Variants in SLC16A12 observed in about 807,000 individuals in gnomAD.
The protein encoded by SLC16A12 is monocarboxylate transporter 12.
SLC16A12 carries 17 observed loss-of-function variants against 42.4 expected under a neutral mutation model. The ratio of observed to expected loss-of-function variants is 0.40; its 90% CI spans 0.27 to 0.60. SLC16A12 has a LOEUF of 0.60. Among genes scored for constraint, SLC16A12 ranks in the 20% least tolerant of loss-of-function variants. The pLI is 0.42. For missense variants in SLC16A12, 544 were observed against 623.0 expected (o/e 0.87, Z 1.35); for synonymous variants, 224 against 229.4 (o/e 0.98, Z 0.21).
intron 2 of SLC16A12, among the ~76,000 whole-genome samples, chr10:89,490,880 A>C (rs1842836561): frequency 6.6e-6 from 1 of 152,148 alleles, no homozygotes; most frequent in Non-Finnish European, 1.5e-5. Context: ...CTTTTCAAAA[A>C]TCATCTCATT....
intron 2 of SLC16A12, among the ~76,000 whole-genome samples, chr10:89,554,107 G>GGAAGGAAGGAAGGAAGGAAAGAAA (rs1564607209): frequency 7.9e-6 from 1 of 125,916 alleles, no homozygotes; most frequent in African/African-American, 3.1e-5. Flanking sequence ...AAAGAAGGAA[G>GGAAGGAAGGAAGGAAGGAAAGAAA]GAAGGAAGGA....
intron 2 of SLC16A12, among the ~76,000 whole-genome samples, chr10:89,541,825 T>C (rs1843717522): frequency 6.6e-6 from 1 of 152,224 alleles, no homozygotes; most frequent in African/African-American, 2.4e-5. Context: ...GCCAAATATT[T>C]CCACTAGGTT....
At chr10:89,459,255 G>T (rs576978307) in intron 3 of SLC16A12, among the ~76,000 whole-genome samples, 1 of 151,906 alleles carries the variant, frequency 6.6e-6, no homozygotes, top group Admixed American at 6.6e-5. Flanking sequence ...ATGACAGCTC[G>T]CTGGATATTA....
intron 6 of SLC16A12, among the ~76,000 whole-genome samples, chr10:89,437,288 AC>A (rs1372238503): frequency 6.6e-6 from 1 of 152,158 alleles, no homozygotes; most frequent in Non-Finnish European, 1.5e-5. Flanking sequence ...ATAACTCCAA[AC>A]CCATTTATGA....
At chr10:89,460,972 C>A (rs1001364486) in intron 3 of SLC16A12, among the ~76,000 whole-genome samples, 2 of 152,136 alleles carry the variant, frequency 1.3e-5, no homozygotes, top group African/African-American at 4.8e-5. Context: ...TTCTATCCTG[C>A]ACTGTATCTT....
intron 2 of SLC16A12, among the ~76,000 whole-genome samples, chr10:89,517,807 A>G (rs1843279379): frequency 6.6e-6 from 1 of 152,202 alleles, no homozygotes; most frequent in African/African-American, 2.4e-5. Flanking sequence ...CAAGAAAATG[A>G]TTGCCATATT....
intron 2 of SLC16A12, among the ~76,000 whole-genome samples, chr10:89,487,673 G>T (rs190359183): frequency 3.3e-5 from 5 of 150,654 alleles, no homozygotes; most frequent in Non-Finnish European, 7.4e-5. Context: ...TTAGCTGGGC[G>T]TGGTGGTGCG....
At chr10:89,436,423 A>C in intron 6 of SLC16A12, 104 bp from the exon 7 acceptor site, 1 of 1,391,598 alleles carries the variant, frequency 7.2e-7, no homozygotes, top group Non-Finnish European at 1.0e-6. Flanking sequence ...ATTTACAGAG[A>C]TGGCTTTCCC....
intron 2 of SLC16A12, among the ~76,000 whole-genome samples, chr10:89,504,187 A>C (rs1400929373): frequency 6.6e-6 from 1 of 152,204 alleles, no homozygotes; most frequent in Non-Finnish European, 1.5e-5. Context: ...CGTTGCTTCA[A>C]ATTCTTGGTC....
chr10:89,535,097 A>T (rs1317405765), intron 1 of SLC16A12, among the ~76,000 whole-genome samples: 2 of 152,074 alleles, frequency 1.3e-5, no homozygotes, highest in Non-Finnish European at 2.9e-5. Context: ...AGAGATTTTT[A>T]AAATGTACTA....
chr10:89,534,911 A>C (rs1402075102), intron 1 of SLC16A12, among the ~76,000 whole-genome samples: 1 of 152,026 alleles, frequency 6.6e-6, no homozygotes, highest in Non-Finnish European at 1.5e-5. Flanking sequence ...GACTTACTGA[A>C]ATTGTGCTTC....
At chr10:89,488,072 TATATACAC>T (rs1382993060) in intron 2 of SLC16A12, among the ~76,000 whole-genome samples, 2 of 149,108 alleles carry the variant, frequency 1.3e-5, no homozygotes, top group Non-Finnish European at 3.0e-5. Flanking sequence ...TATTTATCTA[TATATACAC>T]ATATATAAAA....
intron 5 of SLC16A12, among the ~76,000 whole-genome samples, chr10:89,440,039 C>G (rs1439051703): frequency 7.4e-6 from 1 of 135,892 alleles, no homozygotes; most frequent in Non-Finnish European, 1.5e-5. Flanking sequence ...CCACTGCACT[C>G]CAGCCTGAGG....
chr10:89,451,362 G>A (rs1842094249), intron 3 of SLC16A12, among the ~76,000 whole-genome samples: 1 of 152,086 alleles, frequency 6.6e-6, no homozygotes, highest in Non-Finnish European at 1.5e-5. Context: ...GTCACATAGA[G>A]CCTGGCACTT....
chr10:89,472,487 C>CTTTTTTTTTTTTTTTTTTT (rs71022567), intron 2 of SLC16A12, among the ~76,000 whole-genome samples: 143 of 89,880 alleles, frequency 1.6e-3, no homozygotes, highest in Non-Finnish European at 1.9e-3. Context: ...TCTTTTCTTT[C>CTTTTTTTTTTTTTTTTTTT]TTTTTTTTTT....
chr10:89,482,499 T>C (rs1842679605), intron 2 of SLC16A12, among the ~76,000 whole-genome samples: 1 of 152,166 alleles, frequency 6.6e-6, no homozygotes, highest in Admixed American at 6.6e-5. Flanking sequence ...GTCTAATAGA[T>C]GCCGGGTGTG....
At chr10:89,473,976 C>T (rs890719751) in intron 2 of SLC16A12, among the ~76,000 whole-genome samples, 3 of 152,210 alleles carry the variant, frequency 2.0e-5, no homozygotes, top group Admixed American at 6.5e-5. Flanking sequence ...TAGCCCATCA[C>T]TACCATACCC....
At chr10:89,535,736 C>A (rs2133878267), upstream of SLC16A12, among the ~76,000 whole-genome samples, 1 of 152,098 alleles carries the variant, frequency 6.6e-6, no homozygotes, top group African/African-American at 2.4e-5. Flanking sequence ...GCCCCCGGGG[C>A]GCACCCGCCG....
intron 5 of SLC16A12, among the ~76,000 whole-genome samples, chr10:89,440,568 A>G (rs1841890401): frequency 6.6e-6 from 1 of 152,224 alleles, no homozygotes; most frequent in African/African-American, 2.4e-5. Context: ...AGAGTGATTT[A>G]TTGAATGTAC....
Sources: gnomAD v4.1 joint callset for allele counts (sites outside exome capture counted in the v4.1 genomes callset) on GRCh38, gnomAD v4.1.1 for gene constraint, MANE v1.5 for transcripts, NCBI Gene and HGNC (gene_info 2026-07-23, HGNC 2026-07-21) for gene names.